Variants in NXPH2 observed in about 807,000 individuals in gnomAD.
NXPH2 encodes neurexophilin-2.
A neutral mutation model predicts 19.8 loss-of-function variants in NXPH2; 5 were observed. The observed-to-expected ratio is 0.25, with a 90% CI of 0.13 to 0.53. NXPH2 has a LOEUF of 0.53. NXPH2 is among the 20% of genes least tolerant of loss of function. The pLI is 0.96. For missense variants in NXPH2, 289 were observed against 322.8 expected, an observed-to-expected ratio of 0.90 and a Z score of 0.80; for synonymous variants, 154 against 127.4, an observed-to-expected ratio of 1.21 and a Z score of -1.41.
chr2:138,676,187 G>T (rs1218144169), intron 1 of NXPH2, among the ~76,000 whole-genome samples: 1 of 152,022 alleles, frequency 6.6e-6, no homozygotes, highest in African/African-American at 2.4e-5. Context: ...ATCTGACAGT[G>T]GTTTACTGGT....
chr2:138,718,036 C>T (rs1573965190), intron 1 of NXPH2, among the ~76,000 whole-genome samples: 1 of 151,076 alleles, frequency 6.6e-6, no homozygotes, highest in South Asian at 2.1e-4. Flanking sequence ...GAAAGTAAAA[C>T]CATAAAAAAT....
At chr2:138,716,567 T>G (rs1310499294) in intron 1 of NXPH2, among the ~76,000 whole-genome samples, 1 of 152,210 alleles carries the variant, frequency 6.6e-6, no homozygotes, top group Non-Finnish European at 1.5e-5. Flanking sequence ...ATCTGTTGTT[T>G]AAGCCCGTCA....
chr2:138,718,258 A>T (rs1681221432), intron 1 of NXPH2, among the ~76,000 whole-genome samples: 1 of 152,132 alleles, frequency 6.6e-6, no homozygotes, highest in Non-Finnish European at 1.5e-5. Context: ...TACTGTTGAA[A>T]TTAGTGAAAA....
chr2:138,678,265 T>C (rs1340881912), intron 1 of NXPH2, among the ~76,000 whole-genome samples: 1 of 152,178 alleles, frequency 6.6e-6, no homozygotes, highest in African/African-American at 2.4e-5. Flanking sequence ...GAGGAGGAAA[T>C]ACACAGAGGT....
chr2:138,733,767 C>T (rs1364594411), intron 1 of NXPH2, among the ~76,000 whole-genome samples: 1 of 152,186 alleles, frequency 6.6e-6, no homozygotes, highest in African/African-American at 2.4e-5. Context: ...TCCTGATATT[C>T]AGACTTGATT....
chr2:138,768,682 C>A (rs562783015), intron 1 of NXPH2, among the ~76,000 whole-genome samples: 1 of 152,212 alleles, frequency 6.6e-6, no homozygotes, highest in Non-Finnish European at 1.5e-5. Context: ...AATTTCTTCT[C>A]TGCTTAAGTT....
At chr2:138,714,724 C>T (rs1256577408) in intron 1 of NXPH2, among the ~76,000 whole-genome samples, 1 of 152,156 alleles carries the variant, frequency 6.6e-6, no homozygotes, top group Non-Finnish European at 1.5e-5. Context: ...CCACTATATC[C>T]TTATACCAAA....
In NXPH2 at chr2:138,671,059, C is replaced by T. The variant is rs979235617; in HGVS notation, c.658G>A (p.Val220Met). The change falls in exon 2 of 2, where the codon GTG (valine) becomes ATG (methionine). Residue 220 changes from valine (V) to methionine (M), a missense_variant. Coordinates refer to ENST00000272641, the MANE Select transcript of NXPH2 (RefSeq NM_007226.3). ...ICYQEQTQSH[V>M]SWLCSKPFKV... ...AAGGGCTTGGAGCACAACCAAGACA[C>T]ATGGCTCTGAGTCTGCTCCTGGTAG... 6.2e-7 allele frequency: 1 copy of T among 1,613,876 alleles called. No homozygotes were observed. Among genetic ancestry groups the T allele is most frequent in the Non-Finnish European group, 8.5e-7 (1 of 1,179,886 alleles).
intron 1 of NXPH2, among the ~76,000 whole-genome samples, chr2:138,695,596 G>C (rs890822286): frequency 1.3e-5 from 2 of 151,966 alleles, no homozygotes; most frequent in African/African-American, 2.4e-5. Context: ...AGAAATAAAA[G>C]AATAATATTA....
At chr2:138,740,633 A>G (rs1201712078) in intron 1 of NXPH2, among the ~76,000 whole-genome samples, 3 of 152,210 alleles carry the variant, frequency 2.0e-5, no homozygotes, top group East Asian at 1.9e-4. Flanking sequence ...TGAGGATGCC[A>G]TATGCTACAA....
chr2:138,773,331 T>C (rs917418731), intron 1 of NXPH2, among the ~76,000 whole-genome samples: 1 of 152,140 alleles, frequency 6.6e-6, no homozygotes, highest in Non-Finnish European at 1.5e-5. Flanking sequence ...CTCAAGCCAA[T>C]CCCAATCGTC....
intron 1 of NXPH2, among the ~76,000 whole-genome samples, chr2:138,758,499 A>T (rs531808862): frequency 2.0e-4 from 31 of 152,324 alleles, no homozygotes; most frequent in Non-Finnish European, 3.8e-4. Flanking sequence ...ACCAAGACTA[A>T]AGTTCAATTT....
chr2:138,760,832 G>A (rs1217774678), intron 1 of NXPH2, among the ~76,000 whole-genome samples: 1 of 152,172 alleles, frequency 6.6e-6, no homozygotes, highest in Non-Finnish European at 1.5e-5. Context: ...GAGTGGACAG[G>A]CTGGCAGAGT....
chr2:138,722,429 C>A (rs1434918963), intron 1 of NXPH2, among the ~76,000 whole-genome samples: 2 of 152,184 alleles, frequency 1.3e-5, no homozygotes, highest in Non-Finnish European at 2.9e-5. Flanking sequence ...GGAGCCTGGG[C>A]AGGGCAGCGT....
chr2:138,685,677 T>C (rs550035186), intron 1 of NXPH2, among the ~76,000 whole-genome samples: 24 of 152,352 alleles, frequency 1.6e-4, no homozygotes, highest in Admixed American at 5.2e-4. Flanking sequence ...ATATCTTATG[T>C]AATTTATTGA....
chr2:138,723,160 A>ACAAG (rs35323726), intron 1 of NXPH2, among the ~76,000 whole-genome samples: 36,875 of 151,634 alleles, frequency 0.24, 5,118 homozygotes, highest in East Asian at 0.53. Context: ...ACACAAACAG[A>ACAAG]CAAGCAAGCA....
chr2:138,680,594 G>T (rs1458360901), intron 1 of NXPH2, among the ~76,000 whole-genome samples: 1 of 152,028 alleles, frequency 6.6e-6, no homozygotes, highest in Non-Finnish European at 1.5e-5. Flanking sequence ...CCCATCTCTT[G>T]TTCTCTCTCT....
intron 1 of NXPH2, among the ~76,000 whole-genome samples, chr2:138,688,460 G>A (rs1316278853): frequency 1.3e-5 from 2 of 152,202 alleles, no homozygotes; most frequent in Non-Finnish European, 1.5e-5. Flanking sequence ...AGGATTACAG[G>A]TGTGAGCCAC....
intron 1 of NXPH2, among the ~76,000 whole-genome samples, chr2:138,761,545 T>C (rs1007099791): frequency 2.0e-5 from 3 of 152,212 alleles, no homozygotes; most frequent in Admixed American, 1.3e-4. Context: ...GTATGTTCTG[T>C]TGCACAGAAA....
Sources: gnomAD v4.1 joint callset for allele counts (sites outside exome capture counted in the v4.1 genomes callset) on GRCh38, gnomAD v4.1.1 for gene constraint, MANE v1.5 for transcripts, NCBI Gene and HGNC (gene_info 2026-07-23, HGNC 2026-07-21) for gene names.